Variants in SUSD4 observed in about 807,000 individuals in gnomAD.
SUSD4 encodes the protein sushi domain-containing protein 4.
A neutral mutation model predicts 50.5 loss-of-function variants in SUSD4; 41 were observed. The ratio of observed to expected loss-of-function variants is 0.81; its 90% CI spans 0.63 to 1.05. The LOEUF is 1.05. Among genes scored for constraint, SUSD4 ranks in the 50% least tolerant of loss-of-function variants. SUSD4 has a pLI of 0.00. For synonymous variants in SUSD4, 257 were observed against 257.3 expected (o/e 1.00, Z 0.01); for missense variants, 580 against 634.7 (o/e 0.91, Z 0.93).
chr1:223,229,672 T>C lies in SUSD4; in HGVS notation c.725-284A>G, dbSNP rs1443307294. Among the ~76,000 whole-genome samples, 1 of 152,186 alleles carries C rather than the reference T, an allele frequency of 6.6e-6. No homozygotes were observed. The highest frequency in any genetic ancestry group is 1.5e-5 in the Non-Finnish European group (1 of 68,036). On this transcript the variant is annotated intron_variant, in intron 5 of 8. Coordinates refer to ENST00000366878, the MANE Select transcript of SUSD4 (RefSeq NM_017982.4). The surrounding 1 kb of genome is among the most constrained non-coding windows in gnomAD (Gnocchi z 4.7). ...CAATGCAAAGAGTATGCCTATTTAA[T>C]AGAGAGTATTAAGCTACTGTATTAA... is the stretch of plus-strand genomic sequence containing the variant.
intron 2 of SUSD4, among the ~76,000 whole-genome samples, chr1:223,300,681 A>G (rs550896251): frequency 6.6e-6 from 1 of 152,304 alleles, no homozygotes; most frequent in East Asian, 1.9e-4. Context: ...TTGATTTTGT[A>G]TGCACTGACT....
intron 2 of SUSD4, among the ~76,000 whole-genome samples, chr1:223,358,014 A>G (rs1668761491): frequency 6.6e-6 from 1 of 152,248 alleles, no homozygotes; most frequent in South Asian, 2.1e-4. Flanking sequence ...AAAGCACAGC[A>G]AGGATAAAGA....
chr1:223,304,793 C>T (rs896369976), intron 2 of SUSD4, among the ~76,000 whole-genome samples: 12 of 53,622 alleles, frequency 2.2e-4, no homozygotes, highest in South Asian at 5.9e-4. Flanking sequence ...CTCAGGTTTC[C>T]ATATATATAT....
chr1:223,259,004 T>C (rs1661901452), intron 5 of SUSD4, among the ~76,000 whole-genome samples: 1 of 152,166 alleles, frequency 6.6e-6, no homozygotes, highest in South Asian at 2.1e-4. Flanking sequence ...CGGGAGGCCC[T>C]GGATAACTTA....
At chr1:223,252,642 T>G in intron 5 of SUSD4, among the ~76,000 whole-genome samples, 1 of 152,140 alleles carries the variant, frequency 6.6e-6, no homozygotes, top group East Asian at 1.9e-4. Context: ...AAATACAGAC[T>G]GATGTAGGCA....
At chr1:223,362,797 G>C (rs1669059585) in intron 2 of SUSD4, among the ~76,000 whole-genome samples, 1 of 152,160 alleles carries the variant, frequency 6.6e-6, no homozygotes, top group Non-Finnish European at 1.5e-5. Flanking sequence ...CAGCCAGTCT[G>C]ACCACGTTTC....
At chr1:223,235,163 A>C in intron 5 of SUSD4, 1 of 1,497,780 alleles carries the variant, frequency 6.7e-7, no homozygotes, top group East Asian at 2.4e-5. Flanking sequence ...TGAAAAAAAA[A>C]ACCTAAAGCC....
chr1:223,261,055 C>A (rs769373788), intron 5 of SUSD4, among the ~76,000 whole-genome samples: 1 of 152,146 alleles, frequency 6.6e-6, no homozygotes, highest in African/African-American at 2.4e-5. Context: ...ATGTCCTCAT[C>A]TGTAAAAGGA....
intron 2 of SUSD4, among the ~76,000 whole-genome samples, chr1:223,318,555 TG>T (rs1443237640): frequency 7.7e-6 from 1 of 129,948 alleles, no homozygotes; most frequent in African/African-American, 2.9e-5. Context: ...CCATTCTAAC[TG>T]GTGTGAGATG....
chr1:223,222,141 C>T lies in SUSD4; in HGVS notation c.*51G>A. On this transcript the variant is annotated 3_prime_UTR_variant, in exon 9 of 9. Coordinates refer to ENST00000366878, the MANE Select transcript of SUSD4 (RefSeq NM_017982.4). Reference sequence around the variant, plus strand: ...CCTTCTGTGACCTCACTCCAAGATACAAGGTCCTTTCCCCGAAGGAGCAGG... The same window carrying T: ...CCTTCTGTGACCTCACTCCAAGATATAAGGTCCTTTCCCCGAAGGAGCAGG... The T allele has an allele frequency of 6.3e-7, 1 of 1,597,536 alleles. No homozygotes were observed. The highest frequency in any genetic ancestry group is 8.5e-7 in the Non-Finnish European group (1 of 1,170,094).
intron 7 of SUSD4, among the ~76,000 whole-genome samples, chr1:223,225,236 G>A (rs1659435997): frequency 6.6e-6 from 1 of 152,088 alleles, no homozygotes; most frequent in Non-Finnish European, 1.5e-5. Flanking sequence ...GGTAAAATAT[G>A]AGGAAGAGAA....
intron 5 of SUSD4, among the ~76,000 whole-genome samples, chr1:223,236,102 T>C (rs952178773): frequency 6.6e-6 from 1 of 152,244 alleles, no homozygotes; most frequent in Non-Finnish European, 1.5e-5. Flanking sequence ...CATTTCCTGA[T>C]GACATATGAC....
intron 5 of SUSD4, among the ~76,000 whole-genome samples, chr1:223,246,093 G>A (rs762973234): frequency 4.7e-4 from 72 of 152,104 alleles, no homozygotes; most frequent in Non-Finnish European, 8.4e-4. Flanking sequence ...GGGACTGCAC[G>A]CACTCACATA....
chr1:223,322,898 C>T (rs1666661593), intron 2 of SUSD4, among the ~76,000 whole-genome samples: 1 of 152,162 alleles, frequency 6.6e-6, no homozygotes, highest in Non-Finnish European at 1.5e-5. Flanking sequence ...ATCATGCTCC[C>T]TGCAGCCTTT....
At chr1:223,293,766 T>A (rs1247716633) in intron 2 of SUSD4, among the ~76,000 whole-genome samples, 2 of 152,076 alleles carry the variant, frequency 1.3e-5, no homozygotes, top group East Asian at 3.9e-4. Context: ...AAAATGGACA[T>A]CATGAGCCAC....
intron 2 of SUSD4, among the ~76,000 whole-genome samples, chr1:223,298,326 G>A (rs1303305354): frequency 2.6e-5 from 4 of 152,126 alleles, no homozygotes; most frequent in Non-Finnish European, 4.4e-5. Context: ...GATGTGAAAT[G>A]CCCTCCTATA....
rs780980584 is a variant in SUSD4 at position 223,223,472 on chromosome 1, G to A, written c.1221C>T (p.Asp407=). ...SVGQGCPLPV[D]DQSPPAYPGS... ...CGGGGTATGCTGGGGGGCTCTGGTC[G>A]TCCACGGGTAAGGGGCAGCCCTGGC... Residue 407 remains aspartate (D), a synonymous_variant, in exon 8 of 9, where the codon GAC becomes GAT. Coordinates refer to ENST00000366878, the MANE Select transcript of SUSD4 (RefSeq NM_017982.4). 12 of 1,613,684 alleles carry A rather than the reference G, an allele frequency of 7.4e-6. No homozygotes were observed. Among genetic ancestry groups the A allele is most frequent in the Middle Eastern group, 1.6e-4 (1 of 6,084 alleles).
chr1:223,358,086 T>TA (rs1277860774), intron 2 of SUSD4, among the ~76,000 whole-genome samples: 1 of 152,244 alleles, frequency 6.6e-6, no homozygotes, highest in Non-Finnish European at 1.5e-5. Flanking sequence ...CACGGAATTT[T>TA]AAATCGAATT....
intron 2 of SUSD4, among the ~76,000 whole-genome samples, chr1:223,319,870 G>A (rs1572053823): frequency 6.6e-6 from 1 of 152,212 alleles, no homozygotes. Flanking sequence ...GGTAGGAGGG[G>A]TGGATGGTGG....
Sources: gnomAD v4.1 joint callset for allele counts (sites outside exome capture counted in the v4.1 genomes callset) on GRCh38, gnomAD v4.1.1 for gene constraint, Gnocchi (gnomAD v3.1) non-coding constraint, MANE v1.5 for transcripts, NCBI Gene and HGNC (gene_info 2026-07-23, HGNC 2026-07-21) for gene names.